Variants in OR4D6 observed in about 807,000 individuals in gnomAD.
OR4D6 encodes the protein olfactory receptor family 4 subfamily D member 6, also known as olfactory receptor 4D6.
A neutral mutation model predicts 10.9 loss-of-function variants in OR4D6; 9 were observed. That is an observed-to-expected ratio of 0.82 (90% CI 0.50 to 1.44). The LOEUF (loss-of-function observed/expected upper bound fraction) is 1.44, where lower values mean the gene tolerates loss of function less well. Ranked by LOEUF, OR4D6 falls within the 40% of genes most tolerant of loss-of-function variation. The pLI is 0.00. For missense variants in OR4D6, 370 were observed against 384.4 expected, an observed-to-expected ratio of 0.96 and a Z score of 0.31; for synonymous variants, 167 against 154.4, an observed-to-expected ratio of 1.08 and a Z score of -0.60.
chr11:59,457,709 A>T lies in OR4D6; in HGVS notation c.749A>T (p.His250Leu). 1 of 1,613,388 alleles carries T rather than the reference A, an allele frequency of 6.2e-7. No individual in the cohort carries two copies. Among genetic ancestry groups the T allele is most frequent in the Non-Finnish European group, 8.5e-7 (1 of 1,179,802 alleles). ...CTSHMLVVTLHFVPCVYIYCR... is the reference protein window; with the variant it reads ...CTSHMLVVTLLFVPCVYIYCR... ...TCCCACATGCTGGTGGTGACTCTTCACTTCGTGCCTTGTGTTTACATCTAC... is the reference window on the plus strand; with the variant it reads ...TCCCACATGCTGGTGGTGACTCTTCTCTTCGTGCCTTGTGTTTACATCTAC... Residue 250 changes from histidine to leucine, a missense_variant, in exon 1 of 1, where the codon CAC becomes CTC. Coordinates refer to ENST00000300127, the MANE Select transcript of OR4D6 (RefSeq NM_001004708.1).
Position 59,457,851 on chromosome 11 carries a change from C to A in OR4D6, c.891C>A (p.Ala297=). The change falls in exon 1 of 1, where the codon GCC becomes GCA. Residue 297 remains alanine (A), a synonymous_variant. Transcript: ENST00000300127. ...YSLRNQEMKS[A]MQRLQRRLGP... Reference sequence around the variant, plus strand: ...TGAGAAATCAAGAGATGAAGTCAGCCATGCAGAGGCTGCAGAGGAGACTTG... The same window carrying A: ...TGAGAAATCAAGAGATGAAGTCAGCAATGCAGAGGCTGCAGAGGAGACTTG... 1 of 1,613,852 alleles carries A rather than the reference C, an allele frequency of 6.2e-7. No individual in the cohort carries two copies. The highest frequency in any genetic ancestry group is 1.1e-5 in the South Asian group (1 of 91,036).
chr11:59,457,351 C>T lies in OR4D6; in HGVS notation c.391C>T (p.His131Tyr). Residue 131 changes from histidine to tyrosine, a missense_variant, in exon 1 of 1, where the codon CAC (histidine) becomes TAC (tyrosine). His to Tyr is a moderately conservative substitution (Grantham distance 83). Coordinates refer to ENST00000300127, the MANE Select transcript of OR4D6 (RefSeq NM_001004708.1). ...DRYLAIAKPL[H>Y]YVTMMRKEVW... is the part of the protein sequence containing the mutation. ...ATACCTTGCAATCGCCAAGCCCCTG[C>T]ACTATGTGACCATGATGAGGAAAGA... is the stretch of plus-strand genomic sequence containing the variant. 2 of 1,613,326 alleles carry T rather than the reference C, an allele frequency of 1.2e-6. No individual in the cohort carries two copies. The highest frequency in any genetic ancestry group is 2.2e-5 in the South Asian group (2 of 90,906).
Position 59,457,424 on chromosome 11 carries a change from A to G in OR4D6, c.464A>G (p.His155Arg). ...VVASWVSGGL[H>R]SIIQVILMLP... ...GCTTCTTGGGTGAGTGGTGGTTTGC[A>G]TTCAATCATCCAGGTAATTCTGATG... The change falls in exon 1 of 1, where the codon CAT becomes CGT. Residue 155 changes from histidine (H) to arginine (R), a missense_variant. Transcript: ENST00000300127. 4 of 1,614,152 alleles carry G rather than the reference A, an allele frequency of 2.5e-6. No individual in the cohort carries two copies. The highest frequency in any genetic ancestry group is 2.5e-6 in the Non-Finnish European group (3 of 1,180,018).
chr11:59,457,626 G>T lies in OR4D6; in HGVS notation c.666G>T (p.Leu222=). 1 of 1,613,946 alleles carries T rather than the reference G, an allele frequency of 6.2e-7. No homozygotes were observed. Among genetic ancestry groups the T allele is most frequent in the Non-Finnish European group, 8.5e-7 (1 of 1,180,010 alleles). Reference sequence around the variant, plus strand: ...TCCTGGGCTCCTACACTGTCATTCTGGTGATGCTGAGATCCCACTCTGGGG... The same window carrying T: ...TCCTGGGCTCCTACACTGTCATTCTTGTGATGCTGAGATCCCACTCTGGGG... ...LLLLGSYTVI[L]VMLRSHSGEG... Residue 222 remains leucine, a synonymous_variant, in exon 1 of 1, where the codon CTG becomes CTT. Transcript: ENST00000300127.
Position 59,457,900 on chromosome 11 carries a change from G to C in OR4D6, c.940G>C (p.Gly314Arg). 6.3e-7 allele frequency: 1 copy of C among 1,591,098 alleles called. No individual in the cohort carries two copies. The change falls in exon 1 of 1, where the codon GGG becomes CGG. Residue 314 changes from glycine (G) to arginine (R), a missense_variant. Physicochemically the swap from Gly to Arg is moderately radical, Grantham distance 125. Coordinates refer to ENST00000300127, the MANE Select transcript of OR4D6 (RefSeq NM_001004708.1). Reference protein sequence around the residue: ...RLGPSESRKWG With the variant: ...RLGPSESRKWR The stretch of plus-strand genomic sequence containing the variant: ...TGGGCCTTCCGAGAGCAGAAAATGG[G>C]GGTGAGCAGTCAGATGGAGAGTGGA...
chr11:59,457,569 C>G lies in OR4D6; in HGVS notation c.609C>G (p.Asn203Lys). The change falls in exon 1 of 1, where the codon AAC becomes AAG. Residue 203 changes from asparagine to lysine, a missense_variant. Asn to Lys is a moderately conservative substitution (Grantham distance 94, BLOSUM62 0). Coordinates refer to ENST00000300127, the MANE Select transcript of OR4D6 (RefSeq NM_001004708.1). ...FALELFMISN[N>K]GLVTLLWFLL... ...TGGAGCTTTTCATGATCTCTAACAA[C>G]GGACTGGTGACCCTGCTCTGGTTCC... The G allele has an allele frequency of 6.2e-7, 1 of 1,614,156 alleles. No homozygotes were observed. The highest frequency in any genetic ancestry group is 8.5e-7 in the Non-Finnish European group (1 of 1,180,016).
rs768624032 is a variant in OR4D6, at chr11:59,457,698, G to A, written c.738G>A (p.Val246=). 6.2e-6 allele frequency: 10 copies of A among 1,614,126 alleles called. No homozygotes were observed. Among genetic ancestry groups the A allele is most frequent in the Non-Finnish European group, 8.5e-6 (10 of 1,180,002 alleles). ...CCACGTGCACGTCCCACATGCTGGT[G>A]GTGACTCTTCACTTCGTGCCTTGTG... is the stretch of plus-strand genomic sequence containing the variant. The part of the protein sequence containing the change: ...ALSTCTSHML[V]VTLHFVPCVY... The change falls in exon 1 of 1, where the codon GTG becomes GTA. Residue 246 remains valine, a synonymous_variant. Transcript: ENST00000300127.
In OR4D6 at chr11:59,457,085, A is replaced by G. The variant is rs201963313; in HGVS notation, c.125A>G (p.Asn42Ser). 1.0e-4 allele frequency: 168 copies of G among 1,614,026 alleles called. No individual in the cohort carries two copies. The African/African-American group carries it at 2.2e-3, about 21-fold the overall frequency. ...GTGTATGTAGCAACAGTCCTGGGAA[A>G]TGCACTCATTGTGGTCACTATTACC... ...FAVYVATVLG[N>S]ALIVVTITCE... Residue 42 changes from asparagine to serine, a missense_variant, in exon 1 of 1, where the codon AAT (asparagine) becomes AGT (serine). Physicochemically the swap from Asn to Ser is conservative, Grantham distance 46. Transcript: ENST00000300127.
At position 59,457,788 on chromosome 11, in the gene OR4D6, G is replaced by A. The variant is rs375029632; in HGVS notation, c.828G>A (p.Thr276=). The part of the protein sequence containing the change: ...PMDTTISINN[T]VITPMLNPII... ...ACACAACCATATCCATTAATAACAC[G>A]GTCATTACCCCCATGCTGAACCCCA... The change falls in exon 1 of 1, where the codon ACG becomes ACA. Residue 276 remains threonine, a synonymous_variant. Coordinates refer to ENST00000300127, the MANE Select transcript of OR4D6 (RefSeq NM_001004708.1). The A allele has an allele frequency of 9.9e-5, 160 of 1,613,240 alleles. No individual in the cohort carries two copies. Among genetic ancestry groups the A allele is most frequent in the Non-Finnish European group, 1.3e-4 (149 of 1,179,448 alleles).
Position 59,457,864 on chromosome 11 carries a change from C to CAGAGG in OR4D6, c.908_912dup (p.Leu305GlyfsTer?), listed in dbSNP as rs1341484176. 1 of 1,612,556 alleles carries CAGAGG rather than the reference C, an allele frequency of 6.2e-7. No homozygotes were observed. Among genetic ancestry groups the CAGAGG allele is most frequent in the Admixed American group, 1.7e-5 (1 of 59,966 alleles). ...GATGAAGTCAGCCATGCAGAGGCTG[C>CAGAGG]AGAGGAGACTTGGGCCTTCCGAGAG... On this transcript the variant is annotated frameshift_variant, in exon 1 of 1. Transcript: ENST00000300127. LOFTEE classifies it high-confidence loss of function.
chr11:59,457,383 G>A lies in OR4D6; in HGVS notation c.423G>A (p.Trp141Ter). The stretch of plus-strand genomic sequence containing the variant: ...TGACCATGATGAGGAAAGAGGTGTG[G>A]GTGGCCTTGGTGGTGGCTTCTTGGG... ...HYVTMMRKEV[W>*]VALVVASWVS... Residue 141 changes from tryptophan to a stop codon, truncating the protein, a stop_gained, in exon 1 of 1, where the codon TGG becomes TGA. Coordinates refer to ENST00000300127, the MANE Select transcript of OR4D6 (RefSeq NM_001004708.1). LOFTEE classifies it high-confidence loss of function. 1.2e-6 allele frequency: 2 copies of A among 1,613,964 alleles called. No homozygotes were observed. Among genetic ancestry groups the A allele is most frequent in the Non-Finnish European group, 1.7e-6 (2 of 1,179,942 alleles).
chr11:59,457,009 C>A lies in OR4D6; in HGVS notation c.49C>A (p.Leu17Ile). Residue 17 changes from leucine (L) to isoleucine (I), a missense_variant, in exon 1 of 1, where the codon CTT (leucine) becomes ATT (isoleucine). Leu to Ile is a conservative substitution (Grantham distance 5). Coordinates refer to ENST00000300127, the MANE Select transcript of OR4D6 (RefSeq NM_001004708.1). ...TGTGAAGGAGTTTTTCTTCCTGGAA[C>A]TTACACGTTCCCGAGAGCTGGAGTT... ...TNVKEFFFLE[L>I]TRSRELEFFL... 1.2e-6 allele frequency: 2 copies of A among 1,614,164 alleles called. No homozygotes were observed. Among genetic ancestry groups the A allele is most frequent in the Non-Finnish European group, 8.5e-7 (1 of 1,180,022 alleles).
At position 59,457,874 on chromosome 11, in the gene OR4D6, T is replaced by C. The variant is rs200237286; in HGVS notation, c.914T>C (p.Leu305Pro). ...GCCATGCAGAGGCTGCAGAGGAGAC[T>C]TGGGCCTTCCGAGAGCAGAAAATGG... ...KSAMQRLQRR[L>P]GPSESRKWG Residue 305 changes from leucine to proline, a missense_variant, in exon 1 of 1, where the codon CTT (leucine) becomes CCT (proline). Leu to Pro is a moderately conservative substitution (Grantham distance 98, BLOSUM62 -3). Coordinates refer to ENST00000300127, the MANE Select transcript of OR4D6 (RefSeq NM_001004708.1). The C allele has an allele frequency of 3.1e-6, 5 of 1,608,002 alleles. No homozygotes were observed. In the South Asian group the frequency reaches 5.5e-5, roughly 18 times the overall value.
chr11:59,457,055 T>C lies in OR4D6; in HGVS notation c.95T>C (p.Phe32Ser), dbSNP rs1029524300. The change falls in exon 1 of 1, where the codon TTT becomes TCT. Residue 32 changes from phenylalanine to serine, a missense_variant. By Grantham distance (155) the Phe-to-Ser change is radical. Transcript: ENST00000300127. ...GAGTTTTTCTTGTTTGTGGTCTTCTTTGCTGTGTATGTAGCAACAGTCCTG... is the reference window on the plus strand; with the variant it reads ...GAGTTTTTCTTGTTTGTGGTCTTCTCTGCTGTGTATGTAGCAACAGTCCTG... ...ELEFFLFVVF[F>S]AVYVATVLGN... 2.5e-6 allele frequency: 4 copies of C among 1,614,080 alleles called. No individual in the cohort carries two copies. In the African/African-American group the frequency reaches 5.3e-5, roughly 22 times the overall value.
rs756842463 is a variant in OR4D6, at chr11:59,457,361, C to A, written c.401C>A (p.Thr134Asn). Residue 134 changes from threonine (T) to asparagine (N), a missense_variant, in exon 1 of 1, where the codon ACC becomes AAC. Transcript: ENST00000300127. ...ATCGCCAAGCCCCTGCACTATGTGA[C>A]CATGATGAGGAAAGAGGTGTGGGTG... ...LAIAKPLHYV[T>N]MMRKEVWVAL... The A allele has an allele frequency of 6.2e-7, 1 of 1,613,420 alleles. No homozygotes were observed. The highest frequency in any genetic ancestry group is 2.2e-5 in the East Asian group (1 of 44,882).
rs201708074 is a variant in OR4D6 at position 59,457,781 on chromosome 11, A to G, written c.821A>G (p.Asn274Ser). ...TLPMDTTISI[N>S]NTVITPMLNP... ...CCCATGGACACAACCATATCCATTA[A>G]TAACACGGTCATTACCCCCATGCTG... The change falls in exon 1 of 1, where the codon AAT becomes AGT. Residue 274 changes from asparagine (N) to serine (S), a missense_variant. Physicochemically the swap from Asn to Ser is conservative, Grantham distance 46. Coordinates refer to ENST00000300127, the MANE Select transcript of OR4D6 (RefSeq NM_001004708.1). 6.2e-7 allele frequency: 1 copy of G among 1,614,008 alleles called. No individual in the cohort carries two copies. The highest frequency in any genetic ancestry group is 1.3e-5 in the African/African-American group (1 of 75,034).
chr11:59,457,355 A>G lies in OR4D6; in HGVS notation c.395A>G (p.Tyr132Cys). 6.2e-7 allele frequency: 1 copy of G among 1,613,502 alleles called. No homozygotes were observed. Among genetic ancestry groups the G allele is most frequent in the South Asian group, 1.1e-5 (1 of 90,964 alleles). ...CTTGCAATCGCCAAGCCCCTGCACT[A>G]TGTGACCATGATGAGGAAAGAGGTG... ...RYLAIAKPLH[Y>C]VTMMRKEVWV... Residue 132 changes from tyrosine to cysteine, a missense_variant, in exon 1 of 1, where the codon TAT becomes TGT. Transcript: ENST00000300127.
rs757704017 is a variant in OR4D6 at position 59,457,397 on chromosome 11, TG to T, written c.439del (p.Ala147LeufsTer4). The T allele has an allele frequency of 6.2e-7, 1 of 1,614,016 alleles. No individual in the cohort carries two copies. The highest frequency in any genetic ancestry group is 8.5e-7 in the Non-Finnish European group (1 of 1,180,020). On this transcript the variant is annotated frameshift_variant, in exon 1 of 1. Coordinates refer to ENST00000300127, the MANE Select transcript of OR4D6 (RefSeq NM_001004708.1). LOFTEE classifies it high-confidence loss of function. ...MRKEVWVALVVASWVSGGLHS... is the reference protein window; with the variant it reads ...MRKEVWVALVXASWVSGGLHS... ...AAAGAGGTGTGGGTGGCCTTGGTGG[TG>T]GCTTCTTGGGTGAGTGGTGGTTTGC...
chr11:59,457,866 G>A lies in OR4D6; in HGVS notation c.906G>A (p.Gln302=). ...TGAAGTCAGCCATGCAGAGGCTGCA[G>A]AGGAGACTTGGGCCTTCCGAGAGCA... is the stretch of plus-strand genomic sequence containing the variant. ...QEMKSAMQRL[Q]RRLGPSESRK... Residue 302 remains glutamine, a synonymous_variant, in exon 1 of 1, where the codon CAG becomes CAA. Coordinates refer to ENST00000300127, the MANE Select transcript of OR4D6 (RefSeq NM_001004708.1). The A allele has an allele frequency of 1.2e-6, 2 of 1,612,554 alleles. No homozygotes were observed. Among genetic ancestry groups the A allele is most frequent in the Admixed American group, 1.7e-5 (1 of 59,968 alleles).
Sources: allele counts gnomAD v4.1 joint callset, GRCh38; gene constraint gnomAD v4.1.1; transcripts MANE v1.5; gene names NCBI Gene and HGNC (gene_info 2026-07-23, HGNC 2026-07-21).